DOCK8: variants seen among roughly 807,000 people sequenced by gnomAD.
DOCK8 encodes the protein dedicator of cytokinesis protein 8.
A neutral mutation model predicts 245.6 loss-of-function variants in DOCK8; 141 were observed. That is an observed-to-expected ratio of 0.57 (90% CI 0.50 to 0.66). The LOEUF (loss-of-function observed/expected upper bound fraction) is 0.66, where lower values mean the gene tolerates loss of function less well. DOCK8 is among the 30% of genes least tolerant of loss of function. The pLI is 0.00. For missense variants in DOCK8, 2,965 were observed against 2,603.4 expected, an observed-to-expected ratio of 1.14 and a Z score of -3.02; for synonymous variants, 1,168 against 970.2, an observed-to-expected ratio of 1.20 and a Z score of -3.79.
intron 18 of DOCK8, among the ~76,000 whole-genome samples, chr9:372,832 C>T (rs548757335): frequency 6.6e-6 from 1 of 152,332 alleles, no homozygotes; most frequent in East Asian, 1.9e-4. Flanking sequence ...GATTTCAAGA[C>T]CAGCCTGGCC....
At chr9:273,591 AGTT>A (rs2048227061) in intron 2 of DOCK8, among the ~76,000 whole-genome samples, 1 of 152,148 alleles carries the variant, frequency 6.6e-6, no homozygotes, top group Non-Finnish European at 1.5e-5. Context: ...TTTCTGCAGT[AGTT>A]GTCTTGGGAA....
chr9:272,574 CA>C (rs1328202055), intron 2 of DOCK8, among the ~76,000 whole-genome samples: 23 of 152,192 alleles, frequency 1.5e-4, no homozygotes, highest in African/African-American at 5.5e-4. Flanking sequence ...TTTGTAGAGA[CA>C]GGGGTCTCGC....
intron 9 of DOCK8, among the ~76,000 whole-genome samples, chr9:329,582 G>T (rs1358801683): frequency 6.6e-6 from 1 of 152,160 alleles, no homozygotes; most frequent in Admixed American, 6.5e-5. Context: ...AAACTTCAAT[G>T]TGTCTCCTTT....
At position 214,931 on chromosome 9, in the gene DOCK8, T is replaced by C. The variant is rs1351414344; in HGVS notation, c.-46T>C. The C allele has an allele frequency of 1.2e-6, 2 of 1,604,846 alleles. No individual in the cohort carries two copies. Among genetic ancestry groups the C allele is most frequent in the Middle Eastern group, 1.7e-4 (1 of 6,024 alleles). On this transcript the variant is annotated 5_prime_UTR_variant, in exon 1 of 48. Transcript: ENST00000432829. Reference sequence around the variant, plus strand: ...ACTCTGCGGCGCGCCAGGCCCCCGCTTTCCGCACCCCGCGACCCTAGAAGC... The same window carrying C: ...ACTCTGCGGCGCGCCAGGCCCCCGCCTTCCGCACCCCGCGACCCTAGAAGC...
intron 2 of DOCK8, among the ~76,000 whole-genome samples, chr9:281,658 TG>T (rs1223752506): frequency 1.2e-4 from 18 of 152,174 alleles, no homozygotes; most frequent in Non-Finnish European, 1.2e-4. Context: ...TGTGTGTGTG[TG>T]TGTGTGTTGA....
At chr9:273,580 C>G (rs2048226667) in intron 2 of DOCK8, among the ~76,000 whole-genome samples, 1 of 152,042 alleles carries the variant, frequency 6.6e-6, no homozygotes, top group African/African-American at 2.4e-5. Context: ...AAGGCTGCAG[C>G]TTTCTGCAGT....
intron 2 of DOCK8, among the ~76,000 whole-genome samples, chr9:273,908 G>A (rs951871470): frequency 2.6e-5 from 4 of 152,096 alleles, no homozygotes; most frequent in Admixed American, 2.0e-4. Flanking sequence ...GTTTCTCCAT[G>A]TTGGTAGGGC....
chr9:415,962 A>G (rs2055987036), intron 29 of DOCK8, among the ~76,000 whole-genome samples: 1 of 152,254 alleles, frequency 6.6e-6, no homozygotes, highest in Non-Finnish European at 1.5e-5. Flanking sequence ...TTAGTTCATG[A>G]AAATGGGACC....
chr9:346,623 G>A (rs2051902790), intron 14 of DOCK8, among the ~76,000 whole-genome samples: 1 of 151,896 alleles, frequency 6.6e-6, no homozygotes, highest in Admixed American at 6.6e-5. Flanking sequence ...CATATCAGTT[G>A]GAACATGATT....
chr9:285,357 C>G (rs376095128), intron 2 of DOCK8, among the ~76,000 whole-genome samples: 4 of 152,264 alleles, frequency 2.6e-5, no homozygotes, highest in African/African-American at 7.2e-5. Flanking sequence ...GTTAGTACTT[C>G]CCTTGGATCT....
intron 5 of DOCK8, among the ~76,000 whole-genome samples, chr9:311,455 G>A (rs2050109314): frequency 6.9e-6 from 1 of 144,624 alleles, no homozygotes; most frequent in South Asian, 2.2e-4. Context: ...GTCTCATTGT[G>A]TTGCCCAGGC....
intron 6 of DOCK8, chr9:312,847 C>CGGCGA: frequency 5.6e-6 from 1 of 178,892 alleles, no homozygotes; most frequent in South Asian, 1.3e-4. Context: ...CTCAGTTTTC[C>CGGCGA]CCTCTGCGTG....
In DOCK8 at chr9:390,788, T is replaced by C. The variant is rs117781926; in HGVS notation, c.2970+222T>C. On this transcript the variant is annotated intron_variant, in intron 24 of 47. Transcript: ENST00000432829. Reference sequence around the variant, plus strand: ...TGTGAGTTCTCATCACCTTCACCACTCTCCACCTGGCCACACACCATCATC... The same window carrying C: ...TGTGAGTTCTCATCACCTTCACCACCCTCCACCTGGCCACACACCATCATC... Among the ~76,000 whole-genome samples the C allele has an allele frequency of 1.2e-3, 179 of 152,132 alleles. 2 individuals carry two copies. Among genetic ancestry groups the C allele is most frequent in the Middle Eastern group, 3.4e-3 (1 of 294 alleles).
At chr9:426,263 T>G (rs1417644186) in intron 33 of DOCK8, among the ~76,000 whole-genome samples, 4 of 152,192 alleles carry the variant, frequency 2.6e-5, no homozygotes, top group African/African-American at 9.7e-5. Flanking sequence ...ACCAGTAATG[T>G]CCGGCAGGAT....
rs540409876 is a variant in DOCK8, at chr9:390,558, G to C, written c.2962G>C (p.Glu988Gln). ...TVFKYAWFFF[E>Q]LLVKSMAQHV... ...CTTCAAGTATGCCTGGTTCTTCTTT[G>C]AGCTTCTGGTGAGATTCTTGCGCGT... The change falls in exon 24 of 48, where the codon GAG (glutamate) becomes CAG (glutamine). Residue 988 changes from glutamate (E) to glutamine (Q), a missense_variant. This residue lies in a region of DOCK8 where 2,825 missense variants were observed against 2,453.5 expected (regional missense o/e 1.15). Coordinates refer to ENST00000432829, the MANE Select transcript of DOCK8 (RefSeq NM_203447.4). 1 of 1,614,076 alleles carries C rather than the reference G, an allele frequency of 6.2e-7. No homozygotes were observed. Among genetic ancestry groups the C allele is most frequent in the African/African-American group, 1.3e-5 (1 of 75,018 alleles).
chr9:259,802 C>T (rs901674565), intron 1 of DOCK8, among the ~76,000 whole-genome samples: 1 of 152,120 alleles, frequency 6.6e-6, no homozygotes, highest in African/African-American at 2.4e-5. Flanking sequence ...TTTGGTGGTC[C>T]CAGGAGCTGC....
intron 2 of DOCK8, chr9:284,404 C>G (rs900626732): frequency 6.6e-6 from 1 of 152,198 alleles, no homozygotes; most frequent in Non-Finnish European, 1.5e-5. Context: ...ATAGTCCTCT[C>G]TTCAGCTGAC....
At chr9:214,133 C>T (rs923347344), upstream of DOCK8, 4 of 260,832 alleles carry the variant, frequency 1.5e-5, no homozygotes, top group African/African-American at 7.0e-5. Context: ...TTGAAGCGAA[C>T]ACGGGCTCCT....
intron 28 of DOCK8, among the ~76,000 whole-genome samples, chr9:412,594 A>G (rs1344234731): frequency 2.0e-5 from 3 of 152,164 alleles, no homozygotes; most frequent in Non-Finnish European, 4.4e-5. Context: ...ACATACAAGA[A>G]TCAATTGTGT....
Sources: gnomAD v4.1 joint callset for allele counts (sites outside exome capture counted in the v4.1 genomes callset) on GRCh38, gnomAD v4.1.1 for gene constraint, gnomAD v4.1.1 regional missense constraint, MANE v1.5 for transcripts, NCBI Gene and HGNC (gene_info 2026-07-23, HGNC 2026-07-21) for gene names.